The following CSMD2 variants were observed in gnomAD, a reference collection of about 807,000 sequenced individuals.
CSMD2 encodes CUB and sushi domain-containing protein 2.
A neutral mutation model predicts 398.5 loss-of-function variants in CSMD2; 130 were observed. The ratio of observed to expected loss-of-function variants is 0.33; its 90% CI spans 0.28 to 0.38. The LOEUF is 0.38. CSMD2 is among the 10% of genes least tolerant of loss of function. The probability of loss-of-function intolerance (pLI) is 1.00; values close to 1 mark genes in which losing one functional copy is unlikely to be tolerated. For missense variants in CSMD2, 3,829 were observed against 4,764.9 expected, an observed-to-expected ratio of 0.80 and a Z score of 5.78; for synonymous variants, 1,828 against 1,908.5, an observed-to-expected ratio of 0.96 and a Z score of 1.10.
At chr1:33,733,779 G>T (rs999702462) in intron 15 of CSMD2, among the ~76,000 whole-genome samples, 2 of 152,202 alleles carry the variant, frequency 1.3e-5, no homozygotes, top group African/African-American at 2.4e-5. Flanking sequence ...CACCATGAGT[G>T]TAAGTTTCCT....
intron 7 of CSMD2, among the ~76,000 whole-genome samples, chr1:33,822,174 A>T (rs775175511): frequency 6.6e-6 from 1 of 152,140 alleles, no homozygotes; most frequent in Non-Finnish European, 1.5e-5. Flanking sequence ...CAGGCTGAGG[A>T]CAACAAGAGC....
intron 20 of CSMD2, 65 bp downstream of exon 20, chr1:33,716,221 G>A: frequency 7.5e-7 from 1 of 1,329,206 alleles, no homozygotes. Context: ...CCAGAGACTG[G>A]TAGCAGAAGG....
chr1:34,075,324 A>T (rs1558340201), intron 2 of CSMD2, among the ~76,000 whole-genome samples: 1 of 152,366 alleles, frequency 6.6e-6, no homozygotes, highest in South Asian at 2.1e-4. Flanking sequence ...CCCTTCAAGG[A>T]CGTCCCTATT....
chr1:33,899,659 T>C, intron 5 of CSMD2, among the ~76,000 whole-genome samples: 1 of 152,098 alleles, frequency 6.6e-6, no homozygotes, highest in East Asian at 1.9e-4. Context: ...GATTTATATG[T>C]GAAAAATTAG....
chr1:33,826,478 TG>T (rs377060796), intron 6 of CSMD2, among the ~76,000 whole-genome samples: 141 of 152,214 alleles, frequency 9.3e-4, no homozygotes, highest in African/African-American at 2.4e-3. Context: ...AAGAGACACA[TG>T]GGGGAAGAGG....
Position 34,037,235 on chromosome 1 carries a change from G to A in CSMD2, c.405-4529C>T, listed in dbSNP as rs892277348. Among the ~76,000 whole-genome samples, 5 of 152,092 alleles carry A rather than the reference G, an allele frequency of 3.3e-5. No individual in the cohort carries two copies. The East Asian group carries it at 9.6e-4, about 29-fold the overall frequency. ...TCAGTCTCCCTGGATTGGGCTTTGAGCTTTGTCTTTTCCAGGCCCCTCACT... is the reference window on the plus strand; with the variant it reads ...TCAGTCTCCCTGGATTGGGCTTTGAACTTTGTCTTTTCCAGGCCCCTCACT... On this transcript the variant is annotated intron_variant, in intron 2 of 70. Coordinates refer to ENST00000373381, the MANE Select transcript of CSMD2 (RefSeq NM_001281956.2).
intron 3 of CSMD2, among the ~76,000 whole-genome samples, chr1:34,025,803 G>C (rs1570857822): frequency 6.6e-6 from 1 of 152,186 alleles, no homozygotes; most frequent in East Asian, 1.9e-4. Flanking sequence ...ACAGGCTCAA[G>C]CAGTGCCAGA....
At chr1:33,657,845 T>C in intron 27 of CSMD2, 101 bp downstream of exon 27, 6 of 1,196,002 alleles carry the variant, frequency 5.0e-6, no homozygotes, top group Non-Finnish European at 7.1e-6. Context: ...GTTTCAATTC[T>C]CTTGGCCCCA....
At chr1:33,748,621 T>C (rs1647730251) in intron 13 of CSMD2, among the ~76,000 whole-genome samples, 3 of 152,180 alleles carry the variant, frequency 2.0e-5, no homozygotes, top group African/African-American at 7.2e-5. Flanking sequence ...TTTTCAGTAG[T>C]CCTTTATAGA....
At chr1:33,662,714 C>T (rs1215677293) in intron 26 of CSMD2, among the ~76,000 whole-genome samples, 176 bp downstream of exon 26, 1 of 152,186 alleles carries the variant, frequency 6.6e-6, no homozygotes, top group East Asian at 1.9e-4. Flanking sequence ...TCTTCCCTAC[C>T]AGAGTGAGCT....
At chr1:33,621,283 C>T (rs1055806155) in intron 37 of CSMD2, among the ~76,000 whole-genome samples, 1 of 152,186 alleles carries the variant, frequency 6.6e-6, no homozygotes, top group Non-Finnish European at 1.5e-5. Context: ...CAGGGCGGGG[C>T]ACATTGCAGG....
chr1:33,945,557 G>A (rs1293202604), intron 3 of CSMD2, among the ~76,000 whole-genome samples: 1 of 152,116 alleles, frequency 6.6e-6, no homozygotes, highest in African/African-American at 2.4e-5. Context: ...GCCTCCTAGG[G>A]TAGGACCTGA....
At chr1:34,042,695 G>A (rs1237432366) in intron 2 of CSMD2, among the ~76,000 whole-genome samples, 2 of 152,198 alleles carry the variant, frequency 1.3e-5, no homozygotes, top group African/African-American at 4.8e-5. Flanking sequence ...TCTGGGTGAC[G>A]TGGCCCGAGG....
intron 44 of CSMD2, among the ~76,000 whole-genome samples, chr1:33,597,221 T>A (rs1240989034): frequency 6.6e-6 from 1 of 152,180 alleles, no homozygotes; most frequent in African/African-American, 2.4e-5. Context: ...AAGGCAAAAA[T>A]TCTTTCCCCC....
At chr1:34,132,634 G>A (rs1397692499) in intron 1 of CSMD2, among the ~76,000 whole-genome samples, 1 of 152,222 alleles carries the variant, frequency 6.6e-6, no homozygotes, top group Non-Finnish European at 1.5e-5. Context: ...TCACCAATGT[G>A]GGTGGGCCTC....
intron 1 of CSMD2, among the ~76,000 whole-genome samples, chr1:34,113,442 G>A (rs747085558): frequency 5.9e-5 from 9 of 152,228 alleles, no homozygotes; most frequent in Non-Finnish European, 1.0e-4. Flanking sequence ...TATGCAAGAC[G>A]CACATGGGTG....
chr1:33,716,271 C>T lies in CSMD2; in HGVS notation c.3217+15G>A, dbSNP rs779490721. On this transcript the variant is annotated intron_variant, in intron 20 of 70. Coordinates refer to ENST00000373381, the MANE Select transcript of CSMD2 (RefSeq NM_001281956.2). ...ACCATGGTCTCTTCCCCTCAGGGACCCTCATACTCTTTACCTGAGAAGGTG... is the reference window on the plus strand; with the variant it reads ...ACCATGGTCTCTTCCCCTCAGGGACTCTCATACTCTTTACCTGAGAAGGTG... The T allele has an allele frequency of 9.6e-5, 154 of 1,601,696 alleles. No homozygotes were observed. Among genetic ancestry groups the T allele is most frequent in the Non-Finnish European group, 1.2e-4 (146 of 1,169,064 alleles).
At chr1:33,943,060 C>G (rs1461917377) in intron 3 of CSMD2, among the ~76,000 whole-genome samples, 1 of 152,166 alleles carries the variant, frequency 6.6e-6, no homozygotes, top group Admixed American at 6.5e-5. Flanking sequence ...CCTATTGACC[C>G]TGCCAGGAGC....
At chr1:33,620,243 TG>T (rs1329715815) in intron 37 of CSMD2, among the ~76,000 whole-genome samples, 1 of 152,246 alleles carries the variant, frequency 6.6e-6, no homozygotes, top group Non-Finnish European at 1.5e-5. Context: ...ATCATAGCAG[TG>T]GATGTGACTT....
Sources: allele counts gnomAD v4.1 joint callset (sites outside exome capture counted in the v4.1 genomes callset), GRCh38; gene constraint gnomAD v4.1.1; transcripts MANE v1.5; gene names NCBI Gene and HGNC (gene_info 2026-07-23, HGNC 2026-07-21).